LRRC4C: variants seen among roughly 807,000 people sequenced by gnomAD.
LRRC4C encodes the protein leucine-rich repeat-containing protein 4C.
Under a neutral mutation model 33.6 loss-of-function variants are expected in LRRC4C, and 5 were observed. The ratio of observed to expected loss-of-function variants is 0.15; its 90% CI spans 0.08 to 0.31. The LOEUF (loss-of-function observed/expected upper bound fraction) is 0.31. LRRC4C is among the 10% of genes least tolerant of loss of function. LRRC4C has a pLI of 1.00. For synonymous variants in LRRC4C, 329 were observed against 302.0 expected (o/e 1.09, Z -0.93); for missense variants, 560 against 796.7 (o/e 0.70, Z 3.58).
intron 2 of LRRC4C, among the ~76,000 whole-genome samples, chr11:40,734,815 AG>A (rs1193822969): frequency 2.6e-5 from 4 of 152,196 alleles, no homozygotes; most frequent in African/African-American, 9.7e-5. Flanking sequence ...GAATACCTAA[AG>A]AAGTAGCACA....
At chr11:41,211,825 T>G (rs1946835658) in intron 1 of LRRC4C, among the ~76,000 whole-genome samples, 1 of 152,198 alleles carries the variant, frequency 6.6e-6, no homozygotes, top group Non-Finnish European at 1.5e-5. Flanking sequence ...GCATGATTTA[T>G]ATTCCTTTGG....
chr11:40,969,921 C>T (rs566282365), intron 1 of LRRC4C, among the ~76,000 whole-genome samples: 50 of 152,172 alleles, frequency 3.3e-4, no homozygotes, highest in Middle Eastern at 3.4e-3. Context: ...GTGAGATGGG[C>T]GGTGGGTCAT....
chr11:41,156,464 C>T (rs1221507302), intron 1 of LRRC4C, among the ~76,000 whole-genome samples: 1 of 152,076 alleles, frequency 6.6e-6, no homozygotes, highest in Non-Finnish European at 1.5e-5. Context: ...AGGTTAAAAT[C>T]ATTCCCACTT....
rs1942322868 is a variant in LRRC4C at position 40,644,540 on chromosome 11, A to C, written c.-270+3602T>G. Among the ~76,000 whole-genome samples, 3 of 152,242 alleles carry C rather than the reference A, an allele frequency of 2.0e-5. 1 individual carries two copies. Among genetic ancestry groups the C allele is most frequent in the Admixed American group, 2.0e-4 (3 of 15,286 alleles). Reference sequence around the variant, plus strand: ...AACCAAGACATCCTTCAACAGGTAAATAATTAAACAAACTGTGGTATATGC... The same window carrying C: ...AACCAAGACATCCTTCAACAGGTAACTAATTAAACAAACTGTGGTATATGC... On this transcript the variant is annotated intron_variant, in intron 3 of 6. Coordinates refer to ENST00000528697, the MANE Select transcript of LRRC4C (RefSeq NM_001258419.2).
At chr11:41,428,174 A>T (rs1398085981) in intron 1 of LRRC4C, among the ~76,000 whole-genome samples, 1 of 152,112 alleles carries the variant, frequency 6.6e-6, no homozygotes, top group Non-Finnish European at 1.5e-5. Flanking sequence ...AAGTAATGTG[A>T]TTATGAAGGG....
intron 1 of LRRC4C, among the ~76,000 whole-genome samples, chr11:41,135,914 G>T (rs1290601473): frequency 6.6e-6 from 1 of 152,220 alleles, no homozygotes; most frequent in East Asian, 1.9e-4. Context: ...ATTAGATCTG[G>T]TTCCATGAGT....
intron 2 of LRRC4C, among the ~76,000 whole-genome samples, chr11:40,658,177 G>T (rs775964632): frequency 1.2e-4 from 18 of 152,110 alleles, no homozygotes; most frequent in Non-Finnish European, 2.2e-4. Context: ...TATAGGAAGG[G>T]TAAGGAATTT....
At chr11:40,817,280 TA>T (rs1170316326) in intron 2 of LRRC4C, among the ~76,000 whole-genome samples, 8 of 152,074 alleles carry the variant, frequency 5.3e-5, no homozygotes, top group African/African-American at 1.9e-4. Flanking sequence ...CATAATAAAA[TA>T]AAAAGAGAGA....
At chr11:41,053,839 G>A (rs1320634125) in intron 1 of LRRC4C, among the ~76,000 whole-genome samples, 4 of 152,072 alleles carry the variant, frequency 2.6e-5, no homozygotes, top group Admixed American at 1.3e-4. Flanking sequence ...CAATCTTAAC[G>A]ATTTTAACTC....
intron 3 of LRRC4C, among the ~76,000 whole-genome samples, chr11:40,449,233 C>T (rs923271940): frequency 6.6e-6 from 1 of 151,674 alleles, no homozygotes; most frequent in African/African-American, 2.4e-5. Context: ...TGCAGAAGCT[C>T]GTCAGTAAGA....
intron 2 of LRRC4C, among the ~76,000 whole-genome samples, chr11:40,781,627 T>G (rs1313101563): frequency 6.6e-6 from 1 of 152,204 alleles, no homozygotes; most frequent in Non-Finnish European, 1.5e-5. Context: ...GATTTGACTT[T>G]TAAGCATAGC....
intron 1 of LRRC4C, among the ~76,000 whole-genome samples, chr11:41,159,367 C>A (rs936337952): frequency 6.6e-6 from 1 of 151,822 alleles, no homozygotes; most frequent in African/African-American, 2.4e-5. Flanking sequence ...ACAAGATGGA[C>A]AATGTTGATG....
intron 3 of LRRC4C, among the ~76,000 whole-genome samples, chr11:40,358,120 T>C (rs557505548): frequency 6.6e-6 from 1 of 151,888 alleles, no homozygotes; most frequent in Non-Finnish European, 1.5e-5. Context: ...GAGGCAGAGC[T>C]TGCAGTGAGC....
At chr11:41,430,479 G>C (rs949735802) in intron 1 of LRRC4C, among the ~76,000 whole-genome samples, 3 of 152,044 alleles carry the variant, frequency 2.0e-5, no homozygotes, top group Admixed American at 2.0e-4. Context: ...TATTATACTT[G>C]CCCTCAGGAA....
At chr11:40,597,529 C>A (rs1240111800) in intron 3 of LRRC4C, among the ~76,000 whole-genome samples, 1 of 152,106 alleles carries the variant, frequency 6.6e-6, no homozygotes, top group Non-Finnish European at 1.5e-5. Flanking sequence ...AAATATTAAT[C>A]TGCATAAAAA....
chr11:40,147,347 T>G (rs1857822514), intron 5 of LRRC4C, among the ~76,000 whole-genome samples: 1 of 152,112 alleles, frequency 6.6e-6, no homozygotes, highest in African/African-American at 2.4e-5. Context: ...ATTTCAGATC[T>G]CTTACAGGAT....
intron 3 of LRRC4C, among the ~76,000 whole-genome samples, chr11:40,545,682 T>C (rs1956884425): frequency 6.6e-6 from 1 of 152,034 alleles, no homozygotes; most frequent in African/African-American, 2.4e-5. Flanking sequence ...CAGTTCACCT[T>C]GCGCTTTAAC....
In LRRC4C at chr11:40,149,225, T is replaced by C. The variant is rs56988734; in HGVS notation, c.-95-8372A>G. On this transcript the variant is annotated intron_variant, in intron 5 of 6. Coordinates refer to ENST00000528697, the MANE Select transcript of LRRC4C (RefSeq NM_001258419.2). ...TAATCTTTTCTAGTTCTGTGAAGAA[T>C]GTCATTGGCTATTTAATAGGAATAT... Among the ~76,000 whole-genome samples, 542 of 152,296 alleles carry C rather than the reference T, an allele frequency of 3.6e-3. 6 individuals carry two copies. The highest frequency in any genetic ancestry group is 0.012 in the African/African-American group (516 of 41,560).
At position 40,382,607 on chromosome 11, in the gene LRRC4C, T is replaced by C. The variant is rs572398984; in HGVS notation, c.-269-62886A>G. On this transcript the variant is annotated intron_variant, in intron 3 of 6. Transcript: ENST00000528697. ...TTTTAAAGTACGCAAGTATTAAGTA[T>C]AGCATTGCTTGCTATAGGTAGTAGG... Among the ~76,000 whole-genome samples, 225 of 151,568 alleles carry C rather than the reference T, an allele frequency of 1.5e-3. 1 individual carries two copies. The highest frequency in any genetic ancestry group is 0.014 in the Middle Eastern group (4 of 290).
Sources: allele counts gnomAD v4.1 joint callset (sites outside exome capture counted in the v4.1 genomes callset), GRCh38; gene constraint gnomAD v4.1.1; transcripts MANE v1.5; gene names NCBI Gene and HGNC (gene_info 2026-07-23, HGNC 2026-07-21).